The following STK3 variants were observed in gnomAD, a reference collection of about 807,000 sequenced individuals.
The protein encoded by STK3 is serine/threonine kinase 3.
STK3 carries 41 observed loss-of-function variants against 58.0 expected under a neutral mutation model. That is an observed-to-expected ratio of 0.71 (90% CI 0.55 to 0.92). The LOEUF (loss-of-function observed/expected upper bound fraction) is 0.92, where lower values mean the gene tolerates loss of function less well. Ranked by LOEUF, STK3 falls within the 40% of genes least tolerant of loss-of-function variation. The pLI, the probability that STK3 is intolerant of heterozygous loss-of-function variation, is 0.00. For synonymous variants in STK3, 170 were observed against 191.0 expected, an observed-to-expected ratio of 0.89 and a Z score of 0.91; for missense variants, 479 against 602.7, an observed-to-expected ratio of 0.79 and a Z score of 2.15.
intron 4 of STK3, among the ~76,000 whole-genome samples, chr8:98,739,704 G>C (rs1353946458): frequency 6.7e-6 from 1 of 148,854 alleles, no homozygotes; most frequent in Non-Finnish European, 1.5e-5. Context: ...TCCTCCAAAG[G>C]AACGCAGCTC....
chr8:98,593,257 A>G (rs1815491594), intron 7 of STK3, among the ~76,000 whole-genome samples: 1 of 152,256 alleles, frequency 6.6e-6, no homozygotes, highest in Non-Finnish European at 1.5e-5. Context: ...ATTTTTAAAA[A>G]TGTATACAAT....
At chr8:98,550,922 C>A (rs187989736) in intron 8 of STK3, among the ~76,000 whole-genome samples, 32 of 152,306 alleles carry the variant, frequency 2.1e-4, no homozygotes, top group Non-Finnish European at 4.7e-4. Flanking sequence ...AATGAAGAAT[C>A]TACAATGGCT....
At chr8:98,843,490 A>C (rs1836074085) in intron 3 of STK3, among the ~76,000 whole-genome samples, 1 of 152,192 alleles carries the variant, frequency 6.6e-6, no homozygotes. Flanking sequence ...CTAAGACTTC[A>C]ATGGCTGCCG....
intron 8 of STK3, among the ~76,000 whole-genome samples, chr8:98,560,436 T>C (rs889385235): frequency 1.3e-5 from 2 of 151,718 alleles, no homozygotes; most frequent in African/African-American, 4.8e-5. Flanking sequence ...TGACTGAAAT[T>C]TGAAATTAAA....
At chr8:98,655,376 A>G (rs1303436620) in intron 6 of STK3, among the ~76,000 whole-genome samples, 1 of 152,242 alleles carries the variant, frequency 6.6e-6, no homozygotes, top group African/African-American at 2.4e-5. Context: ...TAAAACCAGA[A>G]AAACCCTAGA....
chr8:98,530,366 T>C (rs1342988124), intron 9 of STK3, among the ~76,000 whole-genome samples: 2 of 152,214 alleles, frequency 1.3e-5, no homozygotes, highest in Non-Finnish European at 2.9e-5. Flanking sequence ...TGTGGCCATG[T>C]ATTCTCATCA....
rs1291153286 is a variant in STK3, at chr8:98,579,687, A to G, written c.925T>C (p.Leu309=). 3.1e-6 allele frequency: 5 copies of G among 1,608,476 alleles called. No homozygotes were observed. The highest frequency in any genetic ancestry group is 4.2e-6 in the Non-Finnish European group (5 of 1,178,614). The change falls in exon 8 of 11, where the codon TTG becomes CTG. Residue 309 remains leucine (L), a synonymous_variant. Coordinates refer to ENST00000419617, the MANE Select transcript of STK3 (RefSeq NM_006281.4). ...ACCGAATTTTCTTCTTCCTCTTCCA[A>G]TTCTCGTTGCTGTTCCTCATGTCTT... ...AKRHEEQQRE[L]EEEEENSDED...
intron 6 of STK3, among the ~76,000 whole-genome samples, chr8:98,649,604 C>T (rs2130685345): frequency 6.6e-6 from 1 of 152,202 alleles, no homozygotes; most frequent in South Asian, 2.1e-4. Context: ...TATTAAATTC[C>T]CAACAGACTA....
chr8:98,483,763 C>T lies in STK3; in HGVS notation c.1318-27763G>A, dbSNP rs925672718. On this transcript the variant is annotated intron_variant, in intron 10 of 10. Transcript: ENST00000419617. ...GATAAGGAAGTAAAAGGTGGGATAA[C>T]CAATTTAACTTAGGGTGTGGTGAAT... Among the ~76,000 whole-genome samples the T allele has an allele frequency of 1.1e-4, 17 of 152,262 alleles. No individual in the cohort carries two copies. In the South Asian group the frequency reaches 1.2e-3, roughly 11 times the overall value.
chr8:98,553,376 C>T (rs1305634162), intron 8 of STK3: 1 of 152,134 alleles, frequency 6.6e-6, no homozygotes, highest in East Asian at 1.9e-4. Flanking sequence ...GCAGTAACCA[C>T]ATCTTGTTTA....
At chr8:98,433,161 C>T (rs936576997) in intron 3 of STK3, among the ~76,000 whole-genome samples, 46 of 151,960 alleles carry the variant, frequency 3.0e-4, no homozygotes, top group African/African-American at 1.0e-3. Flanking sequence ...TCTAGGATCT[C>T]GAACCACTAG....
At chr8:98,363,602 A>C in the STK3 span, among the ~76,000 whole-genome samples, 3 of 152,266 alleles carry the variant, frequency 2.0e-5, no homozygotes, top group African/African-American at 7.2e-5. Flanking sequence ...GAAAAAAAGA[A>C]AAAAGAAAAA....
At chr8:98,373,191 AT>A (rs1817629109) in intron 2 of STK3, among the ~76,000 whole-genome samples, 1 of 151,866 alleles carries the variant, frequency 6.6e-6, no homozygotes, top group Non-Finnish European at 1.5e-5. Flanking sequence ...TTTTTTTGTG[AT>A]TGCTGTTTAT....
chr8:98,649,123 C>G (rs984772846), intron 6 of STK3, among the ~76,000 whole-genome samples: 12 of 151,592 alleles, frequency 7.9e-5, no homozygotes, highest in African/African-American at 2.9e-4. Flanking sequence ...AATCATCTTC[C>G]TATGTGTCAT....
chr8:98,825,394 G>T, intron 1 of STK3, 121 bp downstream of exon 1: 1 of 942,504 alleles, frequency 1.1e-6, no homozygotes, highest in Non-Finnish European at 1.4e-6. Context: ...CCCGACCTCA[G>T]CGCGCCCGGC....
At chr8:98,451,877 T>C (rs1238321616), downstream of STK3, among the ~76,000 whole-genome samples, 1 of 138,666 alleles carries the variant, frequency 7.2e-6, no homozygotes, top group Non-Finnish European at 1.6e-5. Context: ...ATTCCTAGTC[T>C]TTCAGGCCAA....
At chr8:98,855,540 GC>G (rs1836635597) in intron 3 of STK3, among the ~76,000 whole-genome samples, 1 of 152,010 alleles carries the variant, frequency 6.6e-6, no homozygotes, top group Non-Finnish European at 1.5e-5. Flanking sequence ...TAATAGAAGA[GC>G]AAAAACTATA....
intron 6 of STK3, among the ~76,000 whole-genome samples, chr8:98,671,139 A>G (rs973809323): frequency 2.0e-5 from 3 of 151,162 alleles, no homozygotes; most frequent in African/African-American, 7.4e-5. Context: ...AGGCAAAATG[A>G]AATTAGAGAA....
chr8:98,611,995 C>T (rs1447709277), intron 6 of STK3, among the ~76,000 whole-genome samples: 3 of 151,162 alleles, frequency 2.0e-5, no homozygotes, highest in Non-Finnish European at 4.4e-5. Context: ...CAACAACAAT[C>T]AAACTGTTCC....
Sources: gnomAD v4.1 joint callset for allele counts (sites outside exome capture counted in the v4.1 genomes callset) on GRCh38, gnomAD v4.1.1 for gene constraint, MANE v1.5 for transcripts, NCBI Gene and HGNC (gene_info 2026-07-23, HGNC 2026-07-21) for gene names.